The following PREX2 variants were observed in gnomAD, a reference collection of about 807,000 sequenced individuals.
The protein encoded by PREX2 is phosphatidylinositol 3,4,5-trisphosphate-dependent Rac exchanger 2 protein.
PREX2 carries 107 observed loss-of-function variants against 203.2 expected under a neutral mutation model. The ratio of observed to expected loss-of-function variants is 0.53; its 90% CI spans 0.45 to 0.62. PREX2 has a LOEUF of 0.62. PREX2 is among the 20% of genes least tolerant of loss of function. The pLI is 0.00. For synonymous variants in PREX2, 672 were observed against 663.6 expected, an observed-to-expected ratio of 1.01 and a Z score of -0.19; for missense variants, 1,777 against 1,955.9, an observed-to-expected ratio of 0.91 and a Z score of 1.72.
chr8:68,085,043 G>A (rs114042851), intron 18 of PREX2, among the ~76,000 whole-genome samples: 535 of 152,224 alleles, frequency 3.5e-3, no homozygotes, highest in Non-Finnish European at 5.3e-3. Flanking sequence ...TGTTCGTTGC[G>A]CTGTGTCTAG....
intron 10 of PREX2, among the ~76,000 whole-genome samples, chr8:68,058,945 C>T (rs1276998486): frequency 1.3e-5 from 2 of 151,922 alleles, no homozygotes; most frequent in South Asian, 2.1e-4. Flanking sequence ...CAATAGAAAA[C>T]GAATGGTTTT....
chr8:68,090,424 G>T (rs1809833771), intron 19 of PREX2, among the ~76,000 whole-genome samples, 155 bp from the exon 20 acceptor site: 1 of 152,160 alleles, frequency 6.6e-6, no homozygotes, highest in South Asian at 2.1e-4. Context: ...GCAGAAAAGT[G>T]TTGAGTGGGC....
chr8:68,068,575 C>A (rs1049616859), intron 11 of PREX2, among the ~76,000 whole-genome samples: 1 of 151,956 alleles, frequency 6.6e-6, no homozygotes, highest in Non-Finnish European at 1.5e-5. Flanking sequence ...AAAACAGATA[C>A]GTGGTAAAAT....
intron 1 of PREX2, among the ~76,000 whole-genome samples, chr8:67,962,926 T>A (rs1291131786): frequency 6.6e-6 from 1 of 152,194 alleles, no homozygotes; most frequent in Non-Finnish European, 1.5e-5. Context: ...ATATTTTATA[T>A]ATTTACAAAA....
intron 1 of PREX2, among the ~76,000 whole-genome samples, chr8:67,978,133 G>T (rs563502714): frequency 1.3e-5 from 2 of 152,218 alleles, no homozygotes; most frequent in Admixed American, 6.5e-5. Context: ...GGAATCTGAC[G>T]CTATCTGTCC....
At chr8:68,178,836 G>A (rs1812031783) in intron 35 of PREX2, among the ~76,000 whole-genome samples, 1 of 152,040 alleles carries the variant, frequency 6.6e-6, no homozygotes, top group African/African-American at 2.4e-5. Context: ...AGATTTCAAA[G>A]CAATTTCTCC....
At position 68,235,096 on chromosome 8, in the gene PREX2, A is replaced by T. The variant is rs923161947; in HGVS notation, c.*3718A>T. ...GAGAGTAAATGACTCTGTGTTTTGAAACTAATACCTTTGCATTTAAAATAC... is the reference window on the plus strand; with the variant it reads ...GAGAGTAAATGACTCTGTGTTTTGATACTAATACCTTTGCATTTAAAATAC... On this transcript the variant is annotated 3_prime_UTR_variant, in exon 40 of 40. Coordinates refer to ENST00000288368, the MANE Select transcript of PREX2 (RefSeq NM_024870.4). 1 of 152,140 alleles carries T rather than the reference A, an allele frequency of 6.6e-6. No individual in the cohort carries two copies. Among genetic ancestry groups the T allele is most frequent in the African/African-American group, 2.4e-5 (1 of 41,440 alleles). 9.4% of individuals were successfully genotyped at this position (152,140 alleles called of 1,614,324 possible).
At chr8:67,969,629 G>C (rs1231305391) in intron 1 of PREX2, among the ~76,000 whole-genome samples, 1 of 152,132 alleles carries the variant, frequency 6.6e-6, no homozygotes, top group African/African-American at 2.4e-5. Context: ...TTTCCACCTA[G>C]GAAGGTTTAT....
intron 10 of PREX2, among the ~76,000 whole-genome samples, chr8:68,057,026 C>T (rs1242512332): frequency 6.6e-6 from 1 of 152,122 alleles, no homozygotes; most frequent in Non-Finnish European, 1.5e-5. Flanking sequence ...GGCTGTGTCC[C>T]CACCCAAATC....
At chr8:67,962,602 T>A (rs1585656546) in intron 1 of PREX2, among the ~76,000 whole-genome samples, 1 of 116,972 alleles carries the variant, frequency 8.5e-6, no homozygotes, top group East Asian at 3.1e-4. Flanking sequence ...ATTTATATAT[T>A]TTATTTTTTT....
At chr8:68,213,912 A>G (rs1239554606) in intron 37 of PREX2, among the ~76,000 whole-genome samples, 3 of 152,158 alleles carry the variant, frequency 2.0e-5, no homozygotes, top group African/African-American at 7.2e-5. Flanking sequence ...CTACTCTGTG[A>G]CATTTATTTT....
chr8:68,109,002 C>T (rs1236813402), intron 24 of PREX2: 2 of 445,478 alleles, frequency 4.5e-6, no homozygotes, highest in Non-Finnish European at 9.0e-6. Context: ...AAAAGTTGAT[C>T]TCATAGAAGT....
intron 21 of PREX2, among the ~76,000 whole-genome samples, chr8:68,093,988 T>C (rs2129612387): frequency 6.6e-6 from 1 of 152,330 alleles, no homozygotes; most frequent in Non-Finnish European, 1.5e-5. Flanking sequence ...AATATCATCA[T>C]TCTTTTTTGA....
intron 1 of PREX2, among the ~76,000 whole-genome samples, chr8:68,015,737 G>A (rs1010647968): frequency 2.0e-5 from 3 of 152,098 alleles, no homozygotes; most frequent in African/African-American, 4.8e-5. Flanking sequence ...ACATTTTTGC[G>A]ATGAGTATGT....
intron 14 of PREX2, among the ~76,000 whole-genome samples, chr8:68,075,966 G>A (rs558221033): frequency 6.6e-6 from 1 of 152,250 alleles, no homozygotes; most frequent in African/African-American, 2.4e-5. Context: ...AGAAGAACGA[G>A]CACAGACTTC....
At position 68,060,678 on chromosome 8, in the gene PREX2, G is replaced by A; in HGVS notation, c.1239-1G>A. On this transcript the variant is annotated splice_acceptor_variant, in intron 10 of 39. Coordinates refer to ENST00000288368, the MANE Select transcript of PREX2 (RefSeq NM_024870.4). LOFTEE classifies it high-confidence loss of function. ...GCTTTTTCACTGACTTTCTCTTGCA[G>A]CGAATTTGTGTCATGGCTGTTGGAA... is the stretch of plus-strand genomic sequence containing the variant. The A allele has an allele frequency of 1.9e-6, 3 of 1,608,548 alleles. No individual in the cohort carries two copies. Among genetic ancestry groups the A allele is most frequent in the Non-Finnish European group, 2.5e-6 (3 of 1,177,620 alleles).
Position 68,231,467 on chromosome 8 carries a change from T to C in PREX2, c.*89T>C, listed in dbSNP as rs1031335221. The C allele has an allele frequency of 2.9e-5, 25 of 860,442 alleles. No homozygotes were observed. The African/African-American group carries it at 3.2e-4, about 11-fold the overall frequency. The allele number at this position is 860,442 out of a possible 1,614,324, so 53.3% of individuals were successfully genotyped here. A position where few individuals can be genotyped will look rare whatever the true frequency, so the allele number is the denominator to read the frequency against. ...CTGGCTAAACATTCTCCACTGAAGA[T>C]ACATCAATGCTTTTTTTTTTTTTTT... On this transcript the variant is annotated 3_prime_UTR_variant, in exon 40 of 40. Transcript: ENST00000288368.
At chr8:68,141,605 A>G (rs1244692473) in intron 33 of PREX2, among the ~76,000 whole-genome samples, 1 of 152,222 alleles carries the variant, frequency 6.6e-6, no homozygotes, top group Non-Finnish European at 1.5e-5. Context: ...TTCTCTGCAG[A>G]AGTAGCTTTT....
rs938286188 is a variant in PREX2 at position 68,234,279 on chromosome 8, A to G, written c.*2901A>G. 4.6e-5 allele frequency: 7 copies of G among 152,144 alleles called. No individual in the cohort carries two copies. The highest frequency in any genetic ancestry group is 1.4e-4 in the African/African-American group (6 of 41,426). 9.4% of individuals were successfully genotyped at this position (152,144 alleles called of 1,614,324 possible). A position where few individuals can be genotyped will look rare whatever the true frequency, so the allele number is the denominator to read the frequency against. On this transcript the variant is annotated 3_prime_UTR_variant, in exon 40 of 40. Transcript: ENST00000288368. ...TAGGATGTGTTTACCTTAATGCTAC[A>G]TGCTCCTCTATAACCAGTGCACCTT...
Sources: gnomAD v4.1 joint callset for allele counts (sites outside exome capture counted in the v4.1 genomes callset) on GRCh38, gnomAD v4.1.1 for gene constraint, MANE v1.5 for transcripts, NCBI Gene and HGNC (gene_info 2026-07-23, HGNC 2026-07-21) for gene names.